ZNF48: variants seen among roughly 807,000 people sequenced by gnomAD.
ZNF48 encodes the protein zinc finger protein 553.
In ZNF48, 20 loss-of-function variants were observed where a neutral mutation model predicts 40.0. The observed-to-expected ratio is 0.50, with a 90% CI of 0.35 to 0.73. ZNF48 has a LOEUF of 0.73. ZNF48 is among the 30% of genes least tolerant of loss of function. The probability of loss-of-function intolerance (pLI) is 0.01; values close to 1 mark genes in which losing one functional copy is unlikely to be tolerated. For missense variants in ZNF48, 726 were observed against 851.9 expected (o/e 0.85, Z 1.84); for synonymous variants, 298 against 329.7 (o/e 0.90, Z 1.04).
chr16:30,398,134 G>T lies in ZNF48; in HGVS notation c.884G>T (p.Arg295Leu). The T allele has an allele frequency of 6.2e-7, 1 of 1,613,774 alleles. No homozygotes were observed. Among genetic ancestry groups the T allele is most frequent in the Non-Finnish European group, 8.5e-7 (1 of 1,179,798 alleles). ...VLSCSLLSHQ[R>L]SHLGPKPFGC... is the part of the protein sequence containing the mutation. ...AGCTGCAGCCTCCTGAGTCACCAGCGTAGTCACTTGGGGCCCAAGCCCTTT... is the reference window on the plus strand; with the variant it reads ...AGCTGCAGCCTCCTGAGTCACCAGCTTAGTCACTTGGGGCCCAAGCCCTTT... The change falls in exon 3 of 3, where the codon CGT becomes CTT. Residue 295 changes from arginine (R) to leucine (L), a missense_variant. This residue lies in a region of ZNF48 where 378 missense variants were observed against 449.1 expected (regional missense o/e 0.84). Transcript: ENST00000613509. The surrounding 1 kb of genome is among the most constrained non-coding windows in gnomAD (Gnocchi z 6.6).
Position 30,381,084 on chromosome 16 carries a change from T to G in ZNF48, c.-16+2674T>G. On this transcript the variant is annotated intron_variant, in intron 1 of 2. Transcript: ENST00000528032. This position sits in a 1 kb window ranked among gnomAD's most constrained non-coding sequence, Gnocchi z 4.3. ...AAAGAAGTCTAAGCTGAAATCAGGT[T>G]TGGCTTCACATGGGGTCAAAGGTCA... 6.9e-7 allele frequency: 1 copy of G among 1,457,178 alleles called. No homozygotes were observed. The highest frequency in any genetic ancestry group is 9.6e-7 in the Non-Finnish European group (1 of 1,036,582). The allele number at this position is 1,457,178 out of a possible 1,614,324, so 90.3% of individuals were successfully genotyped here.
intron 1 of ZNF48, chr16:30,378,904 G>GAGAA (rs2049796170): frequency 4.9e-6 from 5 of 1,016,578 alleles, no homozygotes; most frequent in Non-Finnish European, 7.3e-6. Flanking sequence ...GGGAGGGAGA[G>GAGAA]AGAAGTCTGA....
At chr16:30,390,993 C>A (rs1190102710), upstream of ZNF48, among the ~76,000 whole-genome samples, 1 of 152,110 alleles carries the variant, frequency 6.6e-6, no homozygotes, top group Non-Finnish European at 1.5e-5. Context: ...CCCACCTTGA[C>A]CTCCCAAAGT....
chr16:30,397,989 C>A lies in ZNF48; in HGVS notation c.739C>A (p.Pro247Thr). Residue 247 changes from proline to threonine, a missense_variant, in exon 3 of 3, where the codon CCC (proline) becomes ACC (threonine). Physicochemically the swap from Pro to Thr is conservative, Grantham distance 38. Around this residue, in one of 5 missense-constraint regions of ZNF48, gnomAD observed 378 missense variants for 449.1 expected, o/e 0.84. Coordinates refer to ENST00000613509, the MANE Select transcript of ZNF48 (RefSeq NM_001214909.2). The surrounding 1 kb of genome is among the most constrained non-coding windows in gnomAD (Gnocchi z 4.1). ...CCAGCGGACACACCGGGGGGAGCAG[C>A]CCCCCCGACCAGTGGTGCCCCGACG... is the stretch of plus-strand genomic sequence containing the variant. The part of the protein sequence containing the change: ...KHQRTHRGEQ[P>T]PRPVVPRRQP... The A allele has an allele frequency of 6.2e-7, 1 of 1,613,100 alleles. No homozygotes were observed. Among genetic ancestry groups the A allele is most frequent in the Non-Finnish European group, 8.5e-7 (1 of 1,179,706 alleles).
chr16:30,381,205 G>T lies in ZNF48; in HGVS notation c.-16+2795G>T, dbSNP rs141703904. The T allele has an allele frequency of 6.2e-7, 1 of 1,614,008 alleles. No homozygotes were observed. Among genetic ancestry groups the T allele is most frequent in the Admixed American group, 1.7e-5 (1 of 59,988 alleles). ...TGACTGGGATGATGTTGACTTTCTC[G>T]TGTACTGCCCGGAGGAAGGCCACAT... is the stretch of plus-strand genomic sequence containing the variant. On this transcript the variant is annotated intron_variant, in intron 1 of 2. Coordinates refer to the ZNF48 transcript ENST00000528032. This position sits in a 1 kb window ranked among gnomAD's most constrained non-coding sequence, Gnocchi z 4.3.
At position 30,398,577 on chromosome 16, in the gene ZNF48, C is replaced by T; in HGVS notation, c.1327C>T (p.Pro443Ser). Reference sequence around the variant, plus strand: ...GGGCCCACAGGCTGGGGAGCCACCCCCACCACTGGCGGGCGACAAGCCCCA... The same window carrying T: ...GGGCCCACAGGCTGGGGAGCCACCCTCACCACTGGCGGGCGACAAGCCCCA... ...PGGPQAGEPPPPLAGDKPHKC... is the reference protein window; with the variant it reads ...PGGPQAGEPPSPLAGDKPHKC... The change falls in exon 3 of 3, where the codon CCA (proline) becomes TCA (serine). Residue 443 changes from proline (P) to serine (S), a missense_variant. Coordinates refer to ENST00000613509, the MANE Select transcript of ZNF48 (RefSeq NM_001214909.2). The surrounding 1 kb of genome is among the most constrained non-coding windows in gnomAD (Gnocchi z 6.6). 1 of 1,612,194 alleles carries T rather than the reference C, an allele frequency of 6.2e-7. No homozygotes were observed. Among genetic ancestry groups the T allele is most frequent in the East Asian group, 2.2e-5 (1 of 44,878 alleles).
At position 30,397,276 on chromosome 16, in the gene ZNF48, A is replaced by G. The variant is rs1343821022; in HGVS notation, c.80-54A>G. On this transcript the variant is annotated intron_variant, in intron 2 of 2. Coordinates refer to ENST00000613509, the MANE Select transcript of ZNF48 (RefSeq NM_001214909.2). This position sits in a 1 kb window ranked among gnomAD's most constrained non-coding sequence, Gnocchi z 4.1. Reference sequence around the variant, plus strand: ...AGTCTTCCTGGAGAGGTTGCTGTCAAAGATAAGTACCGAGCCAAAGGGGAG... The same window carrying G: ...AGTCTTCCTGGAGAGGTTGCTGTCAGAGATAAGTACCGAGCCAAAGGGGAG... 3 of 1,511,224 alleles carry G rather than the reference A, an allele frequency of 2.0e-6. No homozygotes were observed. The highest frequency in any genetic ancestry group is 2.7e-6 in the Non-Finnish European group (3 of 1,120,934). 93.6% of individuals were successfully genotyped at this position (1,511,224 alleles called of 1,614,324 possible). A position where few individuals can be genotyped will look rare whatever the true frequency, so the allele number is the denominator to read the frequency against.
chr16:30,382,278 C>T lies in ZNF48; in HGVS notation c.-16+3868C>T. ...TCCCTCTCCAAAACCCCCAGACCTGCCACCATTAGCGTGAAGTCAAACCCC... is the reference window on the plus strand; with the variant it reads ...TCCCTCTCCAAAACCCCCAGACCTGTCACCATTAGCGTGAAGTCAAACCCC... On this transcript the variant is annotated intron_variant, in intron 1 of 2. Transcript: ENST00000528032. This position sits in a 1 kb window ranked among gnomAD's most constrained non-coding sequence, Gnocchi z 4.8. 1.2e-6 allele frequency: 2 copies of T among 1,613,518 alleles called. No individual in the cohort carries two copies. The highest frequency in any genetic ancestry group is 8.5e-7 in the Non-Finnish European group (1 of 1,179,634).
In ZNF48 at chr16:30,398,179, A is replaced by T; in HGVS notation, c.929A>T (p.Lys310Met). 1 of 1,614,112 alleles carries T rather than the reference A, an allele frequency of 6.2e-7. No individual in the cohort carries two copies. Among genetic ancestry groups the T allele is most frequent in the Non-Finnish European group, 8.5e-7 (1 of 1,180,024 alleles). The change falls in exon 3 of 3, where the codon AAG becomes ATG. Residue 310 changes from lysine to methionine, a missense_variant. Physicochemically the swap from Lys to Met is moderately conservative, Grantham distance 95. This residue lies in a region of ZNF48 where 378 missense variants were observed against 449.1 expected (regional missense o/e 0.84). Transcript: ENST00000613509. The surrounding 1 kb of genome is among the most constrained non-coding windows in gnomAD (Gnocchi z 6.6). ...CCCTTTGGCTGTGATGTGTGTGGAA[A>T]GGAGTTTGCCCGGGGATCCGACCTG... ...PKPFGCDVCG[K>M]EFARGSDLVK...
At position 30,382,611 on chromosome 16, in the gene ZNF48, C is replaced by T. The variant is rs1251955101; in HGVS notation, c.-16+4201C>T. ...AAGCTGAGTGCGGCTAACAAGGGGG[C>T]GGGCAGAAGAGGCAGCTGAGATGCT... On this transcript the variant is annotated intron_variant, in intron 1 of 2. Coordinates refer to the ZNF48 transcript ENST00000528032. This position sits in a 1 kb window ranked among gnomAD's most constrained non-coding sequence, Gnocchi z 4.8. 13 of 1,551,832 alleles carry T rather than the reference C, an allele frequency of 8.4e-6. No homozygotes were observed. Among genetic ancestry groups the T allele is most frequent in the African/African-American group, 2.7e-5 (2 of 73,382 alleles).
Position 30,399,723 on chromosome 16 carries a change from C to T in ZNF48, c.*616C>T, listed in dbSNP as rs774052565. 2 of 152,654 alleles carry T rather than the reference C, an allele frequency of 1.3e-5. No individual in the cohort carries two copies. Among genetic ancestry groups the T allele is most frequent in the African/African-American group, 4.8e-5 (2 of 41,472 alleles). The allele number at this position is 152,654 out of a possible 1,614,324, so 9.5% of individuals were successfully genotyped here. On this transcript the variant is annotated 3_prime_UTR_variant, in exon 3 of 3. Coordinates refer to ENST00000613509, the MANE Select transcript of ZNF48 (RefSeq NM_001214909.2). ...CTGCTGTGTGGCATGGTGGTACCCA[C>T]CCCTATGGAGGGGCACTCTTGGACA... is the stretch of plus-strand genomic sequence containing the variant.
chr16:30,393,308 C>T (rs2151116322), upstream of ZNF48, among the ~76,000 whole-genome samples: 1 of 151,356 alleles, frequency 6.6e-6, no homozygotes, highest in East Asian at 1.9e-4. Flanking sequence ...AACTCCTGAC[C>T]TCAAGTGAGC....
In ZNF48 at chr16:30,382,544, A is replaced by G; in HGVS notation, c.-16+4134A>G. The G allele has an allele frequency of 6.3e-7, 1 of 1,592,354 alleles. No homozygotes were observed. ...ACTCACCATGACTCCGCCAGCCATC[A>G]CTGCACCTGCCGTCTCTCCCCACTT... On this transcript the variant is annotated intron_variant, in intron 1 of 2. Transcript: ENST00000528032. This position sits in a 1 kb window ranked among gnomAD's most constrained non-coding sequence, Gnocchi z 4.8.
chr16:30,378,799 G>A, intron 1 of ZNF48: 1 of 1,174,878 alleles, frequency 8.5e-7, no homozygotes, highest in Admixed American at 2.4e-5. Flanking sequence ...GGGTCTAGGA[G>A]GCGGAGCCAG....
intron 1 of ZNF48, among the ~76,000 whole-genome samples, chr16:30,385,747 T>C (rs2049896187): frequency 6.6e-6 from 1 of 152,108 alleles, no homozygotes. Context: ...ACACTCTCCA[T>C]GCCATTAACC....
At position 30,397,711 on chromosome 16, in the gene ZNF48, C is replaced by T. The variant is rs1415097214; in HGVS notation, c.461C>T (p.Ala154Val). 20 of 1,613,758 alleles carry T rather than the reference C, an allele frequency of 1.2e-5. No individual in the cohort carries two copies. Among genetic ancestry groups the T allele is most frequent in the Non-Finnish European group, 1.7e-5 (20 of 1,179,986 alleles). Residue 154 changes from alanine to valine, a missense_variant, in exon 3 of 3, where the codon GCC (alanine) becomes GTC (valine). Physicochemically the swap from Ala to Val is moderately conservative, Grantham distance 64 (BLOSUM62 0). Coordinates refer to ENST00000613509, the MANE Select transcript of ZNF48 (RefSeq NM_001214909.2). The surrounding 1 kb of genome is among the most constrained non-coding windows in gnomAD (Gnocchi z 4.1). ...GGCAAGGGCTTTGGGGATAGCTCTGCCCGGATCAAACACCAGCGGACTCAT... is the reference window on the plus strand; with the variant it reads ...GGCAAGGGCTTTGGGGATAGCTCTGTCCGGATCAAACACCAGCGGACTCAT... ...VCGKGFGDSSARIKHQRTHSG... is the reference protein window; with the variant it reads ...VCGKGFGDSSVRIKHQRTHSG...
At chr16:30,387,087 T>C (rs62055459) in intron 1 of ZNF48, among the ~76,000 whole-genome samples, 106,397 of 150,096 alleles carry the variant, frequency 0.71, 38,057 homozygotes, top group East Asian at 0.92. Context: ...GGACTACAGG[T>C]GCCCACCACC....
rs768762822 is a variant in ZNF48 at position 30,382,130 on chromosome 16, G to T, written c.-16+3720G>T. Reference sequence around the variant, plus strand: ...GCACCTGGCGATCCTCATAGAGGTTGGTGAGGAAGAGGCTGTTGATGAGGG... The same window carrying T: ...GCACCTGGCGATCCTCATAGAGGTTTGTGAGGAAGAGGCTGTTGATGAGGG... On this transcript the variant is annotated intron_variant, in intron 1 of 2. Coordinates refer to the ZNF48 transcript ENST00000528032. This position sits in a 1 kb window ranked among gnomAD's most constrained non-coding sequence, Gnocchi z 4.8. 4 of 1,590,614 alleles carry T rather than the reference G, an allele frequency of 2.5e-6. No homozygotes were observed. The highest frequency in any genetic ancestry group is 1.7e-6 in the Non-Finnish European group (2 of 1,168,356).
Position 30,382,984 on chromosome 16 carries a change from G to C in ZNF48, c.-16+4574G>C. 4.9e-6 allele frequency: 3 copies of C among 612,934 alleles called. No homozygotes were observed. Among genetic ancestry groups the C allele is most frequent in the Non-Finnish European group, 8.8e-6 (3 of 341,014 alleles). 38.0% of individuals were successfully genotyped at this position (612,934 alleles called of 1,614,324 possible). On this transcript the variant is annotated intron_variant, in intron 1 of 2. Coordinates refer to the ZNF48 transcript ENST00000528032. The surrounding 1 kb of genome is among the most constrained non-coding windows in gnomAD (Gnocchi z 4.8). Reference sequence around the variant, plus strand: ...AGCCAAGGAGTTCCAGACCAGCCTGGGCAACAGAGGGACGTGCCCCTCTAC... The same window carrying C: ...AGCCAAGGAGTTCCAGACCAGCCTGCGCAACAGAGGGACGTGCCCCTCTAC...
Sources: gnomAD v4.1 joint callset for allele counts (sites outside exome capture counted in the v4.1 genomes callset) on GRCh38, gnomAD v4.1.1 for gene constraint, gnomAD v4.1.1 regional missense constraint, Gnocchi (gnomAD v3.1) non-coding constraint, MANE v1.5 for transcripts, NCBI Gene and HGNC (gene_info 2026-07-23, HGNC 2026-07-21) for gene names.